HIVEP3: variants seen among roughly 807,000 people sequenced by gnomAD.
HIVEP3 encodes HIVEP zinc finger 3, also known as transcription factor HIVEP3.
HIVEP3 carries 49 observed loss-of-function variants against 152.8 expected under a neutral mutation model. The ratio of observed to expected loss-of-function variants is 0.32; its 90% CI spans 0.26 to 0.41. The LOEUF (loss-of-function observed/expected upper bound fraction) is 0.41, where lower values mean the gene tolerates loss of function less well. Ranked by LOEUF, HIVEP3 falls within the 10% of genes least tolerant of loss-of-function variation. The probability of loss-of-function intolerance (pLI) is 1.00; values close to 1 mark genes in which losing one functional copy is unlikely to be tolerated. For missense variants in HIVEP3, 2,790 were observed against 3,103.3 expected (o/e 0.90, Z 2.40); for synonymous variants, 1,269 against 1,289.0 (o/e 0.98, Z 0.33).
chr1:41,991,812 G>A lies in HIVEP3; in HGVS notation n.119+43995C>T, dbSNP rs1206515322. On this transcript the variant is annotated intron_variant and non_coding_transcript_variant, in intron 1 of 3. Coordinates refer to the HIVEP3 transcript ENST00000489103. Reference sequence around the variant, plus strand: ...AAGCTTATCCACCATGATCAAGTGGGCTTCATCCCTGGGATGCAAGGCTGG... The same window carrying A: ...AAGCTTATCCACCATGATCAAGTGGACTTCATCCCTGGGATGCAAGGCTGG... 1.8e-3 allele frequency among the ~76,000 whole-genome samples: 225 copies of A among 124,890 alleles called. 1 individual carries two copies. Among genetic ancestry groups the A allele is most frequent in the African/African-American group, 7.0e-3 (212 of 30,352 alleles). The allele number at this position is 124,890 out of a possible 152,430, so 81.9% of individuals were successfully genotyped here.
At chr1:41,889,484 TG>T (rs1344189878) in intron 1 of HIVEP3, among the ~76,000 whole-genome samples, 9 of 152,234 alleles carry the variant, frequency 5.9e-5, no homozygotes, top group African/African-American at 1.2e-4. Flanking sequence ...CCCTTCTCCT[TG>T]GGACTGGAGG....
chr1:41,641,228 A>G (rs1365622828), intron 2 of HIVEP3, among the ~76,000 whole-genome samples: 1 of 152,272 alleles, frequency 6.6e-6, no homozygotes, highest in Non-Finnish European at 1.5e-5. Context: ...AACCTCCACC[A>G]CTGGCCCACA....
intron 1 of HIVEP3, among the ~76,000 whole-genome samples, chr1:41,925,734 T>C (rs534690164): frequency 1.3e-5 from 2 of 152,234 alleles, no homozygotes; most frequent in Non-Finnish European, 1.5e-5. Context: ...CCAAAACTTT[T>C]TGGCAATCAA....
intron 2 of HIVEP3, among the ~76,000 whole-genome samples, chr1:41,637,712 G>A (rs111752874): frequency 3.2e-4 from 48 of 152,326 alleles, no homozygotes; most frequent in African/African-American, 1.1e-3. Flanking sequence ...CAGAATGGGT[G>A]GGGCTTGAAA....
intron 1 of HIVEP3, among the ~76,000 whole-genome samples, chr1:42,030,361 C>A (rs567493625): frequency 2.0e-5 from 3 of 152,220 alleles, no homozygotes; most frequent in East Asian, 1.9e-4. Flanking sequence ...GATTGGATAA[C>A]CCTGCCCTAG....
chr1:41,510,549 C>A lies in HIVEP3; in HGVS notation c.7123G>T (p.Glu2375Ter). The A allele has an allele frequency of 1.9e-6, 3 of 1,575,292 alleles. No homozygotes were observed. The highest frequency in any genetic ancestry group is 2.6e-6 in the Non-Finnish European group (3 of 1,160,514). Reference sequence around the variant, plus strand: ...GGGGAGTCCTGCCTGGTCCTGGGTTCCCCGGAGAGGTTCCTCGTCCGGGCT... The same window carrying A: ...GGGGAGTCCTGCCTGGTCCTGGGTTACCCGGAGAGGTTCCTCGTCCGGGCT... ...FPARTRNLSG[E>*]PRTRQDSPKP... is the part of the protein sequence containing the mutation. Residue 2375 changes from glutamate (E) to a stop codon, truncating the protein, a stop_gained, in exon 9 of 9, where the codon GAA becomes TAA. Coordinates refer to ENST00000372583, the MANE Select transcript of HIVEP3 (RefSeq NM_024503.5). LOFTEE classifies it high-confidence loss of function.
At chr1:41,562,279 A>G (rs1162532181) in intron 5 of HIVEP3, among the ~76,000 whole-genome samples, 1 of 152,202 alleles carries the variant, frequency 6.6e-6, no homozygotes, top group Non-Finnish European at 1.5e-5. Flanking sequence ...CAACACTGTC[A>G]GGTTCCCACC....
chr1:41,993,519 T>C lies in HIVEP3; in HGVS notation n.119+42288A>G, dbSNP rs556245149. Among the ~76,000 whole-genome samples, 240 of 151,940 alleles carry C rather than the reference T, an allele frequency of 1.6e-3. 2 individuals carry two copies. Among genetic ancestry groups the C allele is most frequent in the East Asian group, 8.3e-3 (43 of 5,166 alleles). ...GAAACAACAGGTGCTGGAGAGGAAGTGGAGAAATAGGAACACTTATACACT... is the reference window on the plus strand; with the variant it reads ...GAAACAACAGGTGCTGGAGAGGAAGCGGAGAAATAGGAACACTTATACACT... On this transcript the variant is annotated intron_variant and non_coding_transcript_variant, in intron 1 of 3. Transcript: ENST00000489103.
chr1:41,586,552 C>T (rs1414765405), intron 3 of HIVEP3, among the ~76,000 whole-genome samples: 1 of 144,778 alleles, frequency 6.9e-6, no homozygotes, highest in Non-Finnish European at 1.6e-5. Flanking sequence ...GTGAGCATGC[C>T]CTACCCCCGG....
chr1:41,935,579 T>C (rs1181950627), intron 1 of HIVEP3, among the ~76,000 whole-genome samples: 1 of 151,816 alleles, frequency 6.6e-6, no homozygotes, highest in East Asian at 1.9e-4. Context: ...AAAGAGGGCA[T>C]AACTGTCCTC....
chr1:41,651,395 G>A (rs1645546671), intron 2 of HIVEP3, among the ~76,000 whole-genome samples: 1 of 117,408 alleles, frequency 8.5e-6, no homozygotes, highest in Non-Finnish European at 1.6e-5. Context: ...TGGGCAACAA[G>A]AGCGAAACTC....
intron 1 of HIVEP3, among the ~76,000 whole-genome samples, chr1:41,780,683 G>A (rs2124281670): frequency 6.6e-6 from 1 of 152,324 alleles, no homozygotes; most frequent in Middle Eastern, 3.4e-3. Flanking sequence ...GGTGCCAGCT[G>A]ACCCAAGGGA....
In HIVEP3 at chr1:41,526,091, G is replaced by A. The variant is rs1642894285; in HGVS notation, c.5208-1181C>T. 3.3e-5 allele frequency among the ~76,000 whole-genome samples: 5 copies of A among 152,090 alleles called. No homozygotes were observed. In the South Asian group the frequency reaches 1.0e-3, roughly 32 times the overall value. Reference sequence around the variant, plus strand: ...TGGGAGGAGGTGAGCAAGGGACAGCGTGTCGGGGCGGGGGGGCTCCACCCT... The same window carrying A: ...TGGGAGGAGGTGAGCAAGGGACAGCATGTCGGGGCGGGGGGGCTCCACCCT... On this transcript the variant is annotated intron_variant, in intron 5 of 8. Transcript: ENST00000372583.
intron 1 of HIVEP3, among the ~76,000 whole-genome samples, chr1:42,025,821 G>A (rs1645578595): frequency 6.6e-6 from 1 of 152,186 alleles, no homozygotes. Context: ...TGTAATCACA[G>A]GACTTTGGGA....
At position 41,662,444 on chromosome 1, in the gene HIVEP3, T is replaced by C. The variant is rs1356892118; in HGVS notation, c.-720-33497A>G. 6.6e-6 allele frequency: 1 copy of C among 151,038 alleles called. No individual in the cohort carries two copies. The highest frequency in any genetic ancestry group is 2.4e-5 in the African/African-American group (1 of 41,178). The allele number at this position is 151,038 out of a possible 1,614,324, so 9.4% of individuals were successfully genotyped here. On this transcript the variant is annotated intron_variant, in intron 2 of 8. Coordinates refer to ENST00000372583, the MANE Select transcript of HIVEP3 (RefSeq NM_024503.5). The surrounding 1 kb of genome is among the most constrained non-coding windows in gnomAD (Gnocchi z 7.2). ...GCAGGGGCCGGACCACCCACTTCTT[T>C]CCATTCACTCCCCAGAGTTTCCTGT...
At chr1:41,514,439 C>T (rs1404018132) in intron 7 of HIVEP3, among the ~76,000 whole-genome samples, 4 of 152,246 alleles carry the variant, frequency 2.6e-5, no homozygotes, top group African/African-American at 2.4e-5. Flanking sequence ...TCAGTGTACA[C>T]ACACATCTGC....
Position 41,766,495 on chromosome 1 carries a change from T to A in HIVEP3, c.-800-65500A>T, listed in dbSNP as rs78502732. 7.5e-3 allele frequency among the ~76,000 whole-genome samples: 1,136 copies of A among 152,374 alleles called. 9 individuals are homozygous for A. Among genetic ancestry groups the A allele is most frequent in the Non-Finnish European group, 0.012 (823 of 68,034 alleles). On this transcript the variant is annotated intron_variant, in intron 1 of 8. Coordinates refer to ENST00000372583, the MANE Select transcript of HIVEP3 (RefSeq NM_024503.5). ...CAGAGGCTGTGCTAAGTACTTTACA[T>A]GCACTTTCTCATTTAATCCTCACCA... is the stretch of plus-strand genomic sequence containing the variant.
At chr1:41,856,885 GAA>G (rs1181502841) in intron 1 of HIVEP3, among the ~76,000 whole-genome samples, 1 of 152,130 alleles carries the variant, frequency 6.6e-6, no homozygotes. Context: ...GGTTGCAAAA[GAA>G]AAGTTATTTC....
intron 1 of HIVEP3, among the ~76,000 whole-genome samples, chr1:41,762,721 G>A (rs986775735): frequency 1.1e-4 from 17 of 152,230 alleles, no homozygotes; most frequent in South Asian, 4.1e-4. Flanking sequence ...GGCTGAGTGC[G>A]CTGTCCTTGT....
Sources: allele counts gnomAD v4.1 joint callset (sites outside exome capture counted in the v4.1 genomes callset), GRCh38; gene constraint gnomAD v4.1.1; non-coding constraint Gnocchi (gnomAD v3.1); transcripts MANE v1.5; gene names NCBI Gene and HGNC (gene_info 2026-07-23, HGNC 2026-07-21).